FHIT: variants seen among roughly 807,000 people sequenced by gnomAD.
FHIT encodes bis(5'-adenosyl)-triphosphatase.
FHIT carries 19 observed loss-of-function variants against 17.9 expected under a neutral mutation model. The observed-to-expected ratio is 1.06, with a 90% CI of 0.74 to 1.56. The LOEUF is 1.56. Among genes scored for constraint, FHIT ranks in the 40% most tolerant of loss-of-function variants. The probability of loss-of-function intolerance (pLI) is 0.00; values close to 1 mark genes in which losing one functional copy is unlikely to be tolerated. For missense variants in FHIT, 248 were observed against 189.2 expected (o/e 1.31, Z -1.82); for synonymous variants, 81 against 69.7 (o/e 1.16, Z -0.81).
chr3:60,658,200 G>A (rs1399254112), intron 4 of FHIT, among the ~76,000 whole-genome samples: 4 of 152,014 alleles, frequency 2.6e-5, no homozygotes, highest in Non-Finnish European at 1.5e-5. Flanking sequence ...TTGTCTTTGC[G>A]TGACTGTCTT....
intron 5 of FHIT, among the ~76,000 whole-genome samples, chr3:60,298,604 T>C (rs1708313914): frequency 6.6e-6 from 1 of 152,204 alleles, no homozygotes; most frequent in Non-Finnish European, 1.5e-5. Flanking sequence ...TGTTACTTTT[T>C]TGCAGATATT....
chr3:60,845,060 A>C (rs1702878140), intron 3 of FHIT, among the ~76,000 whole-genome samples: 1 of 152,072 alleles, frequency 6.6e-6, no homozygotes, highest in Admixed American at 6.5e-5. Context: ...TATGAAGTTT[A>C]TTTTCAAAGG....
chr3:61,071,025 A>C (rs147105577), intron 2 of FHIT, among the ~76,000 whole-genome samples: 1 of 152,342 alleles, frequency 6.6e-6, no homozygotes, highest in African/African-American at 2.4e-5. Context: ...TAGAGATACA[A>C]AGTCAAATAT....
At chr3:60,091,727 CT>C in intron 5 of FHIT, among the ~76,000 whole-genome samples, 1 of 152,188 alleles carries the variant, frequency 6.6e-6, no homozygotes, top group Non-Finnish European at 1.5e-5. Flanking sequence ...TGAGATCTGG[CT>C]GTTTAAAAGT....
chr3:60,733,432 TTTTTGTTTTG>T (rs1235423342), intron 4 of FHIT, among the ~76,000 whole-genome samples: 11 of 152,164 alleles, frequency 7.2e-5, no homozygotes, highest in South Asian at 2.1e-4. Context: ...ATTTGTGTGG[TTTTTGTTTTG>T]TTTTGTTTTG....
Position 60,414,342 on chromosome 3 carries a change from T to C in FHIT, c.103+122518A>G, listed in dbSNP as rs561758972. Among the ~76,000 whole-genome samples, 9 of 152,236 alleles carry C rather than the reference T, an allele frequency of 5.9e-5. 1 individual carries two copies. In the South Asian group the frequency reaches 1.9e-3, roughly 32 times the overall value. ...TTTGCAGAATTACCGGACTAGAGCA[T>C]AGTGCAGGAGACAGAAAGGGGCCTG... On this transcript the variant is annotated intron_variant, in intron 5 of 9. Transcript: ENST00000492590.
At chr3:60,491,481 T>A (rs1253224275) in intron 5 of FHIT, among the ~76,000 whole-genome samples, 4 of 151,948 alleles carry the variant, frequency 2.6e-5, no homozygotes, top group Non-Finnish European at 4.4e-5. Flanking sequence ...CCATCAGAAT[T>A]CTTGGATTAT....
chr3:60,754,115 A>G (rs978692030), intron 4 of FHIT, among the ~76,000 whole-genome samples: 2 of 152,170 alleles, frequency 1.3e-5, no homozygotes, highest in African/African-American at 4.8e-5. Context: ...CAAGCTATAC[A>G]AGGGATCTGG....
At chr3:60,092,763 A>C (rs138510183) in intron 5 of FHIT, among the ~76,000 whole-genome samples, 269 of 152,310 alleles carry the variant, frequency 1.8e-3, no homozygotes, top group African/African-American at 6.3e-3. Context: ...AACAATAATG[A>C]CATTCACTGT....
intron 3 of FHIT, among the ~76,000 whole-genome samples, chr3:60,826,287 G>A (rs1324615147): frequency 6.7e-6 from 1 of 148,836 alleles, no homozygotes; most frequent in Non-Finnish European, 1.5e-5. Flanking sequence ...GATAGATGAG[G>A]TTAGTTTTTT....
intron 4 of FHIT, among the ~76,000 whole-genome samples, chr3:60,566,595 G>C (rs2037143194): frequency 6.6e-6 from 1 of 152,016 alleles, no homozygotes; most frequent in African/African-American, 2.4e-5. Context: ...CATAGTGTTG[G>C]AAGCTCTGGC....
chr3:60,486,812 A>G (rs2033862744), intron 5 of FHIT, among the ~76,000 whole-genome samples: 1 of 152,014 alleles, frequency 6.6e-6, no homozygotes, highest in Admixed American at 6.6e-5. Flanking sequence ...AAAAATTCTT[A>G]GTAATGCCAC....
At chr3:60,347,904 G>A (rs1036851281) in intron 5 of FHIT, among the ~76,000 whole-genome samples, 3 of 151,710 alleles carry the variant, frequency 2.0e-5, no homozygotes, top group South Asian at 2.1e-4. Context: ...GATTACAGGC[G>A]CCCACCACCA....
chr3:59,999,510 G>C (rs1276858813), intron 7 of FHIT, among the ~76,000 whole-genome samples: 1 of 152,094 alleles, frequency 6.6e-6, no homozygotes, highest in African/African-American at 2.4e-5. Flanking sequence ...TGCCAGTTAA[G>C]CATATTAAGA....
intron 4 of FHIT, among the ~76,000 whole-genome samples, chr3:60,542,795 T>C (rs1168652769): frequency 6.6e-6 from 1 of 152,206 alleles, no homozygotes; most frequent in Non-Finnish European, 1.5e-5. Context: ...TAGTTTGTGC[T>C]CTGCAAATCT....
intron 3 of FHIT, among the ~76,000 whole-genome samples, chr3:60,907,421 C>G (rs185007451): frequency 6.6e-6 from 1 of 151,466 alleles, no homozygotes; most frequent in East Asian, 1.9e-4. Flanking sequence ...TCCAAAGAGA[C>G]AAAATAACTA....
intron 8 of FHIT, among the ~76,000 whole-genome samples, chr3:59,857,705 G>GTTTTTTTTTGTTTTTTTT (rs1702219155): frequency 8.7e-6 from 1 of 115,436 alleles, no homozygotes. Flanking sequence ...AAAGTGCTGG[G>GTTTTTTTTTGTTTTTTTT]TTTTTTTTTT....
chr3:60,897,107 C>T (rs1705861021), intron 3 of FHIT, among the ~76,000 whole-genome samples: 1 of 152,320 alleles, frequency 6.6e-6, no homozygotes, highest in Admixed American at 6.5e-5. Context: ...CTGGTGATCA[C>T]TCCAATCCCG....
intron 4 of FHIT, among the ~76,000 whole-genome samples, chr3:60,643,740 T>C (rs531580563): frequency 1.3e-5 from 2 of 152,168 alleles, no homozygotes; most frequent in East Asian, 1.9e-4. Context: ...TGATCAAGGG[T>C]AGTAGTATCT....
Sources: allele counts gnomAD v4.1 joint callset (sites outside exome capture counted in the v4.1 genomes callset), GRCh38; gene constraint gnomAD v4.1.1; transcripts MANE v1.5; gene names NCBI Gene and HGNC (gene_info 2026-07-23, HGNC 2026-07-21).